Variants in NKAIN2 observed in about 807,000 individuals in gnomAD.
NKAIN2 encodes sodium/potassium-transporting ATPase subunit beta-1-interacting protein 2.
NKAIN2 carries 14 observed loss-of-function variants against 32.6 expected under a neutral mutation model. The observed-to-expected ratio is 0.43, with a 90% confidence interval of 0.28 to 0.67. The LOEUF (loss-of-function observed/expected upper bound fraction) is 0.67, where lower values mean the gene tolerates loss of function less well. Ranked by LOEUF, NKAIN2 falls within the 30% of genes least tolerant of loss-of-function variation. The pLI, the probability that NKAIN2 is intolerant of heterozygous loss-of-function variation, is 0.17. For missense variants in NKAIN2, 198 were observed against 258.3 expected (o/e 0.77, Z 1.60); for synonymous variants, 80 against 87.2 (o/e 0.92, Z 0.46).
intron 1 of NKAIN2, among the ~76,000 whole-genome samples, chr6:124,044,853 A>G (rs1258257439): frequency 6.6e-6 from 1 of 152,034 alleles, no homozygotes; most frequent in Non-Finnish European, 1.5e-5. Flanking sequence ...CTTACTTGCA[A>G]TAGAGAAATA....
intron 1 of NKAIN2, among the ~76,000 whole-genome samples, chr6:123,906,440 G>A (rs117442534): frequency 0.038 from 5,824 of 152,000 alleles, 164 homozygotes; most frequent in Non-Finnish European, 0.058. Context: ...ACAGGCATGC[G>A]CCATCACATC....
intron 3 of NKAIN2, among the ~76,000 whole-genome samples, chr6:124,356,570 G>T (rs1053036828): frequency 6.6e-6 from 1 of 152,124 alleles, no homozygotes; most frequent in Non-Finnish European, 1.5e-5. Flanking sequence ...GATGCCATTT[G>T]TGTGTTTTTT....
At chr6:124,409,875 G>C (rs1292223452) in intron 3 of NKAIN2, among the ~76,000 whole-genome samples, 1 of 152,188 alleles carries the variant, frequency 6.6e-6, no homozygotes, top group African/African-American at 2.4e-5. Context: ...TTCAGAGCCT[G>C]TTACTGGTCT....
At chr6:124,074,667 G>T (rs1017120834) in intron 1 of NKAIN2, among the ~76,000 whole-genome samples, 1 of 152,144 alleles carries the variant, frequency 6.6e-6, no homozygotes, top group African/African-American at 2.4e-5. Flanking sequence ...TGCTTTGCAT[G>T]TGCTAGTCTT....
chr6:124,174,860 T>G (rs189317956), intron 1 of NKAIN2, among the ~76,000 whole-genome samples: 1 of 152,318 alleles, frequency 6.6e-6, no homozygotes, highest in Admixed American at 6.5e-5. Flanking sequence ...GAAAAGGTCT[T>G]TGCAGTTGAC....
rs146494186 is a variant in NKAIN2 at position 123,826,278 on chromosome 6, A to C, written c.54+22024A>C. Reference sequence around the variant, plus strand: ...CTAGTTGAACAGTTTCCAAAACGCCATGGGTTTTTTAGTTCTATTTTTTAT... The same window carrying C: ...CTAGTTGAACAGTTTCCAAAACGCCCTGGGTTTTTTAGTTCTATTTTTTAT... On this transcript the variant is annotated intron_variant, in intron 1 of 6. Coordinates refer to ENST00000368417, the MANE Select transcript of NKAIN2 (RefSeq NM_001040214.3). 3.9e-5 allele frequency among the ~76,000 whole-genome samples: 6 copies of C among 152,292 alleles called. No homozygotes were observed. In the East Asian group the frequency reaches 1.2e-3, roughly 29 times the overall value.
intron 3 of NKAIN2, among the ~76,000 whole-genome samples, chr6:124,513,183 A>G (rs949600123): frequency 3.3e-5 from 5 of 152,176 alleles, no homozygotes; most frequent in South Asian, 2.1e-4. Flanking sequence ...TAATGTGAAA[A>G]GTTTCTAATA....
At chr6:123,937,762 G>C (rs1269167212) in intron 1 of NKAIN2, among the ~76,000 whole-genome samples, 1 of 152,022 alleles carries the variant, frequency 6.6e-6, no homozygotes, top group Non-Finnish European at 1.5e-5. Context: ...CAATTTGTTT[G>C]GGGTATCAAT....
intron 3 of NKAIN2, among the ~76,000 whole-genome samples, chr6:124,381,273 TTAC>T (rs1242364255): frequency 6.6e-6 from 1 of 151,976 alleles, no homozygotes; most frequent in Non-Finnish European, 1.5e-5. Flanking sequence ...AGCAGAGTTA[TTAC>T]TACTTTTAAA....
chr6:124,775,719 G>T (rs1335814399), intron 4 of NKAIN2, among the ~76,000 whole-genome samples: 1 of 152,126 alleles, frequency 6.6e-6, no homozygotes, highest in Non-Finnish European at 1.5e-5. Context: ...CTCTACGTGA[G>T]CAGTGACCCT....
chr6:123,857,541 G>A (rs7762293), intron 1 of NKAIN2, among the ~76,000 whole-genome samples: 100,801 of 151,956 alleles, frequency 0.66, 33,477 homozygotes, highest in East Asian at 0.76. Context: ...AAGATTAAAC[G>A]TGGAGAAAAA....
At chr6:124,779,234 A>G (rs1779125723) in intron 4 of NKAIN2, among the ~76,000 whole-genome samples, 1 of 128,062 alleles carries the variant, frequency 7.8e-6, no homozygotes, top group African/African-American at 3.0e-5. Context: ...ACAGAGCCAG[A>G]CTCCAACAAA....
intron 1 of NKAIN2, among the ~76,000 whole-genome samples, chr6:123,967,300 C>T (rs1778127743): frequency 6.6e-6 from 1 of 152,192 alleles, no homozygotes; most frequent in African/African-American, 2.4e-5. Flanking sequence ...TGCAAATACT[C>T]TTCAGGGGAT....
At chr6:123,836,366 G>T (rs1774621832) in intron 1 of NKAIN2, among the ~76,000 whole-genome samples, 1 of 152,086 alleles carries the variant, frequency 6.6e-6, no homozygotes, top group South Asian at 2.1e-4. Context: ...ATTACCACGA[G>T]AAATTTTGTT....
intron 4 of NKAIN2, among the ~76,000 whole-genome samples, chr6:124,674,291 C>T (rs1008289914): frequency 1.3e-5 from 2 of 151,780 alleles, no homozygotes; most frequent in African/African-American, 2.4e-5. Flanking sequence ...GAAGTCAGGA[C>T]GTGTGAGGCT....
At chr6:124,373,814 T>C (rs1174192655) in intron 3 of NKAIN2, among the ~76,000 whole-genome samples, 1 of 151,814 alleles carries the variant, frequency 6.6e-6, no homozygotes, top group Admixed American at 6.6e-5. Flanking sequence ...GTGGTTTTGG[T>C]GGAAAAATAG....
intron 3 of NKAIN2, among the ~76,000 whole-genome samples, chr6:124,532,681 G>A (rs138002392): frequency 5.9e-5 from 9 of 152,322 alleles, no homozygotes; most frequent in East Asian, 3.9e-4. Context: ...ATGCTGGCTC[G>A]TCAGAGGCCA....
At chr6:124,658,418 T>G (rs1477006624) in intron 4 of NKAIN2, 32 bp downstream of exon 4, 2 of 1,614,076 alleles carry the variant, frequency 1.2e-6, no homozygotes. Context: ...CTCCTTCTAG[T>G]GCCTCTGGGG....
chr6:124,728,089 A>T (rs1776429418), intron 4 of NKAIN2, among the ~76,000 whole-genome samples: 1 of 149,932 alleles, frequency 6.7e-6, no homozygotes, highest in African/African-American at 2.5e-5. Flanking sequence ...AGAGACTTAG[A>T]CTCCCACACA....
Sources: allele counts gnomAD v4.1 joint callset (sites outside exome capture counted in the v4.1 genomes callset), GRCh38; gene constraint gnomAD v4.1.1; transcripts MANE v1.5; gene names NCBI Gene and HGNC (gene_info 2026-07-23, HGNC 2026-07-21).